The following SLC12A7 variants were observed in gnomAD, a reference collection of about 807,000 sequenced individuals.
The protein encoded by SLC12A7 is K-Cl cotransporter 4.
In SLC12A7, 100 loss-of-function variants were observed where a neutral mutation model predicts 120.6. The ratio of observed to expected loss-of-function variants is 0.83; its 90% CI spans 0.71 to 0.98. SLC12A7 has a LOEUF of 0.98. Among genes scored for constraint, SLC12A7 ranks in the 50% least tolerant of loss-of-function variants. The pLI is 0.00. For synonymous variants in SLC12A7, 760 were observed against 678.0 expected, an observed-to-expected ratio of 1.12 and a Z score of -1.88; for missense variants, 1,373 against 1,548.1, an observed-to-expected ratio of 0.89 and a Z score of 1.90.
chr5:1,155,286 C>T, the SLC12A7 span, among the ~76,000 whole-genome samples: 1,402 of 152,290 alleles, frequency 9.2e-3, 19 homozygotes, highest in Non-Finnish European at 0.015. Flanking sequence ...AGGGACCCGC[C>T]GTGGTCCCGA....
upstream of SLC12A7, among the ~76,000 whole-genome samples, chr5:1,115,719 C>T (rs1009968835): frequency 2.0e-5 from 3 of 152,018 alleles, no homozygotes; most frequent in Admixed American, 1.3e-4. Flanking sequence ...GAAAGCCACC[C>T]GCCTTCTGCC....
intron 2 of SLC12A7, among the ~76,000 whole-genome samples, chr5:1,093,857 C>T (rs1170812522): frequency 6.6e-6 from 1 of 152,170 alleles, no homozygotes; most frequent in East Asian, 1.9e-4. Context: ...GTGGGGCCAC[C>T]CACCCATGGC....
chr5:1,052,923 GCA>G (rs1735207244), intron 23 of SLC12A7, among the ~76,000 whole-genome samples: 1 of 152,240 alleles, frequency 6.6e-6, no homozygotes, highest in African/African-American at 2.4e-5. Context: ...TCCTTCCAAA[GCA>G]CAAATTCCCA....
At chr5:1,108,972 C>T (rs1392300572) in intron 1 of SLC12A7, among the ~76,000 whole-genome samples, 1 of 152,184 alleles carries the variant, frequency 6.6e-6, no homozygotes, top group African/African-American at 2.4e-5. Flanking sequence ...GAAACGGAAC[C>T]CAAAGAGGGA....
At chr5:1,074,711 T>G in intron 15 of SLC12A7, 40 bp from the exon 16 acceptor site, 1 of 1,577,656 alleles carries the variant, frequency 6.3e-7, no homozygotes, top group Non-Finnish European at 8.7e-7. Context: ...GCCGCGTACC[T>G]GGAGGCTCCT....
chr5:1,080,985 C>CAG (rs920186625), intron 9 of SLC12A7, among the ~76,000 whole-genome samples: 5 of 127,148 alleles, frequency 3.9e-5, no homozygotes, highest in Non-Finnish European at 7.5e-5. Flanking sequence ...GAACACACTA[C>CAG]AGAGAGAGAG....
the SLC12A7 span, among the ~76,000 whole-genome samples, chr5:1,152,356 T>C: frequency 2.1e-4 from 32 of 152,328 alleles, no homozygotes; most frequent in Middle Eastern, 0.01. Flanking sequence ...AGCCACAGGC[T>C]GCTCCCTGCT....
intron 1 of SLC12A7, among the ~76,000 whole-genome samples, chr5:1,104,033 C>A (rs901580733): frequency 6.6e-6 from 1 of 152,208 alleles, no homozygotes; most frequent in Admixed American, 6.5e-5. Flanking sequence ...CCTCCCAGGG[C>A]GGCTCCTGTT....
chr5:1,105,638 G>C (rs1439305046), intron 1 of SLC12A7, among the ~76,000 whole-genome samples: 2 of 152,250 alleles, frequency 1.3e-5, no homozygotes, highest in Admixed American at 6.5e-5. Context: ...GCACAGAACA[G>C]GCCTCTGCCC....
chr5:1,112,357 T>C (rs1453968587), upstream of SLC12A7, among the ~76,000 whole-genome samples: 1 of 14,738 alleles, frequency 6.8e-5, no homozygotes, highest in Non-Finnish European at 1.4e-4. Flanking sequence ...CCCGGCCCCC[T>C]CCCCGCCTCC....
chr5:1,090,218 A>T (rs1740343027), intron 3 of SLC12A7, among the ~76,000 whole-genome samples: 1 of 152,184 alleles, frequency 6.6e-6, no homozygotes, highest in Non-Finnish European at 1.5e-5. Flanking sequence ...TTCTGGGGTC[A>T]CCGTGCCGGA....
intron 1 of SLC12A7, among the ~76,000 whole-genome samples, chr5:1,107,957 A>G (rs2150910322): frequency 6.6e-6 from 1 of 152,028 alleles, no homozygotes; most frequent in East Asian, 1.9e-4. Flanking sequence ...CCAACACCCA[A>G]CACCGCGTGA....
At chr5:1,094,651 C>A (rs1454491435) in intron 1 of SLC12A7, among the ~76,000 whole-genome samples, 1 of 152,318 alleles carries the variant, frequency 6.6e-6, no homozygotes, top group African/African-American at 2.4e-5. Flanking sequence ...CTCCCTCTGG[C>A]GTTGAAAATC....
rs1561060963 is a variant in SLC12A7, at chr5:1,076,173, G to T, written c.1812C>A (p.Thr604=). Residue 604 remains threonine, a synonymous_variant, in exon 14 of 24, where the codon ACC becomes ACA. Transcript: ENST00000264930. ...ACTTGAAGCGTGGACGCCAGTTGGG[G>T]GTACGTAGCAGGGTCTGCACGGCGC... ...LACAVQTLLR[T]PNWRPRFKFY... The T allele has an allele frequency of 6.2e-7, 1 of 1,612,416 alleles. No homozygotes were observed. The highest frequency in any genetic ancestry group is 1.1e-5 in the South Asian group (1 of 90,866).
At chr5:1,059,875 GA>G (rs200939907) in intron 21 of SLC12A7, among the ~76,000 whole-genome samples, 7,694 of 152,142 alleles carry the variant, frequency 0.051, 660 homozygotes, top group African/African-American at 0.17. Flanking sequence ...ATGCTGCGGG[GA>G]AGGGCACTGA....
chr5:1,084,922 C>T (rs545431909), intron 7 of SLC12A7, among the ~76,000 whole-genome samples: 52 of 152,204 alleles, frequency 3.4e-4, no homozygotes, highest in African/African-American at 8.2e-4. Flanking sequence ...ACACCCATGA[C>T]GCTCACTGCA....
chr5:1,094,929 T>C (rs1300575309), intron 1 of SLC12A7, among the ~76,000 whole-genome samples: 3 of 149,482 alleles, frequency 2.0e-5, no homozygotes, highest in African/African-American at 4.9e-5. Context: ...AGCAAGGGAA[T>C]TGGTGGGGAG....
intron 19 of SLC12A7, 43 bp from the exon 20 acceptor site, chr5:1,064,018 C>G: frequency 1.2e-6 from 2 of 1,604,584 alleles, no homozygotes; most frequent in Non-Finnish European, 1.7e-6. Context: ...CAGAGGAGCC[C>G]GTCCCGGCCC....
At chr5:1,088,785 C>T (rs1740166904) in intron 4 of SLC12A7, among the ~76,000 whole-genome samples, 197 bp downstream of exon 4, 1 of 152,234 alleles carries the variant, frequency 6.6e-6, no homozygotes, top group South Asian at 2.1e-4. Flanking sequence ...CATCTCATCC[C>T]CGCAGCTGCC....
Sources: allele counts gnomAD v4.1 joint callset (sites outside exome capture counted in the v4.1 genomes callset), GRCh38; gene constraint gnomAD v4.1.1; transcripts MANE v1.5; gene names NCBI Gene and HGNC (gene_info 2026-07-23, HGNC 2026-07-21).